Variants in PTPRN observed in about 807,000 individuals in gnomAD.
PTPRN encodes protein tyrosine phosphatase receptor type N.
A neutral mutation model predicts 108.5 loss-of-function variants in PTPRN; 70 were observed. That is an observed-to-expected ratio of 0.65 (90% CI 0.53 to 0.79). The LOEUF (loss-of-function observed/expected upper bound fraction) is 0.79, where lower values mean the gene tolerates loss of function less well. Among genes scored for constraint, PTPRN ranks in the 30% least tolerant of loss-of-function variants. PTPRN has a pLI of 0.00. For missense variants in PTPRN, 1,136 were observed against 1,295.5 expected (o/e 0.88, Z 1.89); for synonymous variants, 496 against 524.6 (o/e 0.95, Z 0.75).
intron 12 of PTPRN, 91 bp from the exon 13 acceptor site, chr2:219,298,194 T>C: frequency 1.6e-6 from 2 of 1,281,274 alleles, no homozygotes; most frequent in Non-Finnish European, 2.2e-6. Flanking sequence ...CACCCCCTGT[T>C]AGGACATCTC....
chr2:219,295,347 A>G lies in PTPRN; in HGVS notation c.2509-206T>C, dbSNP rs1952164806. On this transcript the variant is annotated intron_variant, in intron 18 of 22. Coordinates refer to ENST00000295718, the MANE Select transcript of PTPRN (RefSeq NM_002846.4). ...CCACTAGTAGCTTTTCCACCCAGAC[A>G]CAGCTATTGTGAGCCTCTCGAGGTC... 4 of 550,756 alleles carry G rather than the reference A, an allele frequency of 7.3e-6. No homozygotes were observed. The South Asian group carries it at 9.7e-5, about 13-fold the overall frequency. 34.1% of individuals were successfully genotyped at this position (550,756 alleles called of 1,614,324 possible).
At chr2:219,294,796 G>A (rs1157552376) in intron 19 of PTPRN, among the ~76,000 whole-genome samples, 179 bp downstream of exon 19, 4 of 152,160 alleles carry the variant, frequency 2.6e-5, no homozygotes, top group Non-Finnish European at 4.4e-5. Flanking sequence ...GCTCGGGGAA[G>A]GGCACAGCCG....
rs982536654 is a variant in PTPRN, at chr2:219,290,742, C to T, written c.2794+84G>A. Reference sequence around the variant, plus strand: ...AGAGCCTGGAGGTTGACAACCTGCTCCTTCTGAGCTCCCAGGACCCTGTGT... The same window carrying T: ...AGAGCCTGGAGGTTGACAACCTGCTTCTTCTGAGCTCCCAGGACCCTGTGT... On this transcript the variant is annotated intron_variant, in intron 21 of 22. Transcript: ENST00000295718. This position sits in a 1 kb window ranked among gnomAD's most constrained non-coding sequence, Gnocchi z 4.2. The T allele has an allele frequency of 3.1e-5, 47 of 1,526,074 alleles. No individual in the cohort carries two copies. The African/African-American group carries it at 4.3e-4, about 14-fold the overall frequency. 94.5% of individuals were successfully genotyped at this position (1,526,074 alleles called of 1,614,324 possible).
intron 8 of PTPRN, among the ~76,000 whole-genome samples, 169 bp downstream of exon 8, chr2:219,300,774 A>C (rs895192934): frequency 7.2e-5 from 11 of 152,174 alleles, no homozygotes; most frequent in African/African-American, 2.4e-4. Flanking sequence ...TTCTGCCATC[A>C]ACTTGATGGG....
In PTPRN at chr2:219,300,050, C is replaced by T. The variant is rs1391424665; in HGVS notation, c.1371G>A (p.Thr457=). Residue 457 remains threonine (T), a synonymous_variant, in exon 9 of 23, where the codon ACG becomes ACA. Coordinates refer to ENST00000295718, the MANE Select transcript of PTPRN (RefSeq NM_002846.4). The part of the protein sequence containing the change: ...KKSPLGQSQP[T]VAGQPSARPA... ...GGCGGGCTGAGGGCTGTCCTGCCAC[C>T]GTGGGCTGGCTCTGGCCCAGTGGGC... The T allele has an allele frequency of 5.0e-6, 8 of 1,614,092 alleles. No individual in the cohort carries two copies. The highest frequency in any genetic ancestry group is 4.0e-5 in the African/African-American group (3 of 74,924).
intron 4 of PTPRN, among the ~76,000 whole-genome samples, chr2:219,303,185 T>C (rs1574928836): frequency 6.6e-6 from 1 of 152,330 alleles, no homozygotes; most frequent in East Asian, 1.9e-4. Flanking sequence ...GCTGTCCCCG[T>C]TGCCCCTGTG....
rs1428425270 is a variant in PTPRN at position 219,299,740 on chromosome 2, C to T, written c.1483G>A (p.Glu495Lys). The change falls in exon 10 of 23, where the codon GAG becomes AAG. Residue 495 changes from glutamate (E) to lysine (K), a missense_variant. By Grantham distance (56) the Glu-to-Lys change is moderately conservative. Coordinates refer to ENST00000295718, the MANE Select transcript of PTPRN (RefSeq NM_002846.4). ...AGVKLLEILAEHVHMSSGSFI... is the reference protein window; with the variant it reads ...AGVKLLEILAKHVHMSSGSFI... ...CTGCCTGAGGACATGTGCACATGCT[C>T]AGCCAGGATCTCCAGCAGCTTCACT... 6.2e-7 allele frequency: 1 copy of T among 1,610,080 alleles called. No individual in the cohort carries two copies.
chr2:219,298,916 G>A (rs1480467471), intron 12 of PTPRN, 131 bp downstream of exon 12: 9 of 1,081,360 alleles, frequency 8.3e-6, no homozygotes, highest in Non-Finnish European at 1.0e-5. Context: ...CTGCTTGGGC[G>A]AAGGCCGCCT....
intron 1 of PTPRN, 148 bp downstream of exon 1, chr2:219,309,070 C>T: frequency 1.3e-6 from 2 of 1,530,880 alleles, no homozygotes; most frequent in Non-Finnish European, 1.8e-6. Context: ...CCGAGACGCC[C>T]TCTCACCTTC....
rs1349674415 is a variant in PTPRN, at chr2:219,302,300, C to T, written c.831G>A (p.Gly277=). The change falls in exon 6 of 23, where the codon GGG becomes GGA. Residue 277 remains glycine (G), a synonymous_variant. Coordinates refer to ENST00000295718, the MANE Select transcript of PTPRN (RefSeq NM_002846.4). ...GCAACTCCTGGGCCAGATAGAGCAG[C>T]CCAGAGTCTTGAAAAAGCTGGGCAG... is the stretch of plus-strand genomic sequence containing the variant. The part of the protein sequence containing the change: ...PSPAQLFQDS[G]LLYLAQELPA... 1 of 1,614,090 alleles carries T rather than the reference C, an allele frequency of 6.2e-7. No individual in the cohort carries two copies. The highest frequency in any genetic ancestry group is 1.7e-5 in the Admixed American group (1 of 60,000).
intron 19 of PTPRN, among the ~76,000 whole-genome samples, chr2:219,293,174 ATT>A (rs1952090754): frequency 6.6e-6 from 1 of 151,368 alleles, no homozygotes; most frequent in African/African-American, 2.4e-5. Flanking sequence ...GCATTTATTT[ATT>A]TATTTATTTA....
At position 219,301,851 on chromosome 2, in the gene PTPRN, C is replaced by A; in HGVS notation, c.995-132G>T. 3 of 1,177,082 alleles carry A rather than the reference C, an allele frequency of 2.5e-6. No individual in the cohort carries two copies. The South Asian group carries it at 4.8e-5, about 19-fold the overall frequency. 72.9% of individuals were successfully genotyped at this position (1,177,082 alleles called of 1,614,324 possible). ...CCAGACACCAGGACACCAAGAGATG[C>A]CCTCCCTTTCCCAGCCCTTGTCCAC... On this transcript the variant is annotated intron_variant, in intron 6 of 22. Transcript: ENST00000295718.
At chr2:219,292,635 A>G (rs1002511494) in intron 19 of PTPRN, 1 of 152,144 alleles carries the variant, frequency 6.6e-6, no homozygotes, top group Non-Finnish European at 1.5e-5. Flanking sequence ...GAATTAACGG[A>G]GCCCTTGCTA....
intron 19 of PTPRN, among the ~76,000 whole-genome samples, chr2:219,293,817 C>T (rs1952107075): frequency 6.6e-6 from 1 of 152,210 alleles, no homozygotes; most frequent in Non-Finnish European, 1.5e-5. Flanking sequence ...GACAGAGAAC[C>T]AGGAGAAGGG....
chr2:219,291,605 C>T, intron 19 of PTPRN, 82 bp from the exon 20 acceptor site: 1 of 1,380,872 alleles, frequency 7.2e-7, no homozygotes, highest in Non-Finnish European at 1.0e-6. Flanking sequence ...GTGGGCCTCT[C>T]TTTCTTCCTT....
intron 8 of PTPRN, 41 bp from the exon 9 acceptor site, chr2:219,300,300 TG>T: frequency 1.3e-6 from 2 of 1,512,328 alleles, no homozygotes; most frequent in Non-Finnish European, 1.8e-6. Context: ...TGGACAGTGC[TG>T]GGGGAAGGGG....
intron 1 of PTPRN, 144 bp downstream of exon 1, chr2:219,309,074 C>A: frequency 6.5e-7 from 1 of 1,527,272 alleles, no homozygotes; most frequent in Non-Finnish European, 8.8e-7. Flanking sequence ...GACGCCCTCT[C>A]ACCTTCCTCA....
Position 219,297,442 on chromosome 2 carries a change from G to A in PTPRN, c.1888-9C>T, listed in dbSNP as rs757802595. The A allele has an allele frequency of 1.2e-6, 2 of 1,613,858 alleles. No individual in the cohort carries two copies. Among genetic ancestry groups the A allele is most frequent in the Admixed American group, 3.3e-5 (2 of 60,024 alleles). ...TGCTGGCGGCACAGGTCCTGTGGAG[G>A]AAGAATCAGGTGAGGTCCAAGAGTC... is the stretch of plus-strand genomic sequence containing the variant. On this transcript the variant is annotated splice_polypyrimidine_tract_variant and intron_variant, in intron 13 of 22. Transcript: ENST00000295718. The surrounding 1 kb of genome is among the most constrained non-coding windows in gnomAD (Gnocchi z 6.0).
intron 1 of PTPRN, 87 bp from the exon 2 acceptor site, chr2:219,307,929 G>A: frequency 1.5e-6 from 2 of 1,305,242 alleles, no homozygotes; most frequent in South Asian, 2.4e-5. Flanking sequence ...GGGAGAAGCA[G>A]ATGCAATTTA....
Sources: gnomAD v4.1 joint callset for allele counts (sites outside exome capture counted in the v4.1 genomes callset) on GRCh38, gnomAD v4.1.1 for gene constraint, Gnocchi (gnomAD v3.1) non-coding constraint, MANE v1.5 for transcripts, NCBI Gene and HGNC (gene_info 2026-07-23, HGNC 2026-07-21) for gene names.